LPA: variants seen among roughly 807,000 people sequenced by gnomAD.
LPA encodes the protein lipoprotein(a), also known as apolipoprotein(a).
In LPA, 199 loss-of-function variants were observed where a neutral mutation model predicts 197.9. The ratio of observed to expected loss-of-function variants is 1.01; its 90% CI spans 0.90 to 1.13. The LOEUF (loss-of-function observed/expected upper bound fraction) is 1.13, where lower values mean the gene tolerates loss of function less well. LPA is among the 50% of genes most tolerant of loss of function. The pLI, the probability that LPA is intolerant of heterozygous loss-of-function variation, is 0.00. For synonymous variants in LPA, 715 were observed against 639.5 expected, an observed-to-expected ratio of 1.12 and a Z score of -1.78; for missense variants, 1,853 against 1,785.8, an observed-to-expected ratio of 1.04 and a Z score of -0.68.
chr6:160,659,543 C>A (rs925656136), intron 1 of LPA, among the ~76,000 whole-genome samples: 13 of 152,204 alleles, frequency 8.5e-5, no homozygotes, highest in South Asian at 2.1e-4. Flanking sequence ...AACTGGAATT[C>A]TTTCCCTGCT....
At chr6:160,606,802 C>G in intron 16 of LPA, 144 bp from the exon 17 acceptor site, 1 of 1,279,008 alleles carries the variant, frequency 7.8e-7, no homozygotes, top group Non-Finnish European at 1.1e-6. Flanking sequence ...GCCACAAGCA[C>G]AAATGGCTCT....
intron 1 of LPA, among the ~76,000 whole-genome samples, chr6:160,662,431 C>T (rs1671405905): frequency 6.6e-6 from 1 of 152,162 alleles, no homozygotes; most frequent in South Asian, 2.1e-4. Flanking sequence ...TTCCTCTCCC[C>T]GGGCATTCCA....
At chr6:160,544,621 T>G (rs551494478) in intron 33 of LPA, among the ~76,000 whole-genome samples, 1 of 152,242 alleles carries the variant, frequency 6.6e-6, no homozygotes, top group African/African-American at 2.4e-5. Context: ...GCCAACCTTC[T>G]TCCCCCAGCT....
intron 22 of LPA, among the ~76,000 whole-genome samples, chr6:160,593,458 G>T (rs752256424): frequency 1.3e-5 from 2 of 152,116 alleles, no homozygotes; most frequent in Non-Finnish European, 2.9e-5. Flanking sequence ...CCCCTCATGT[G>T]CTGGCAACAC....
intron 19 of LPA, 46 bp from the exon 20 acceptor site, chr6:160,599,705 GA>G (rs1562338870): frequency 6.2e-6 from 10 of 1,607,092 alleles, no homozygotes; most frequent in Non-Finnish European, 8.5e-6. Flanking sequence ...TCCTAGAACA[GA>G]AAAATACAGG....
At chr6:160,595,066 T>C (rs1779103853) in intron 21 of LPA, among the ~76,000 whole-genome samples, 1 of 152,178 alleles carries the variant, frequency 6.6e-6, no homozygotes, top group South Asian at 2.1e-4. Flanking sequence ...AGAATATTCT[T>C]CTGGCTAAGA....
At chr6:160,582,253 C>A (rs947469294) in intron 26 of LPA, among the ~76,000 whole-genome samples, 4 of 150,458 alleles carry the variant, frequency 2.7e-5, no homozygotes, top group Non-Finnish European at 5.9e-5. Context: ...TTTTTCTGAC[C>A]TGATCTTTTC....
intron 21 of LPA, among the ~76,000 whole-genome samples, 172 bp downstream of exon 21, chr6:160,595,182 C>A (rs185340052): frequency 2.0e-5 from 3 of 152,282 alleles, no homozygotes; most frequent in African/African-American, 7.2e-5. Flanking sequence ...CCAAACATCA[C>A]AGCTCTGGTT....
chr6:160,653,808 A>C (rs1245962042), intron 1 of LPA, among the ~76,000 whole-genome samples: 1 of 146,352 alleles, frequency 6.8e-6, no homozygotes, highest in African/African-American at 2.5e-5. Context: ...CTAATCCACC[A>C]CAATCAAGTA....
intron 1 of LPA, among the ~76,000 whole-genome samples, chr6:160,657,237 T>C (rs1780148147): frequency 6.6e-6 from 1 of 152,184 alleles, no homozygotes; most frequent in African/African-American, 2.4e-5. Context: ...CCCTCCCAGC[T>C]GGGATGAGTA....
intron 28 of LPA, among the ~76,000 whole-genome samples, chr6:160,563,183 C>G (rs76504842): frequency 7.2e-5 from 11 of 151,958 alleles, no homozygotes; most frequent in Non-Finnish European, 1.2e-4. Context: ...AGATCTTTCC[C>G]GCTTTCTCCT....
chr6:160,548,626 A>C lies in LPA; in HGVS notation c.5007T>G (p.Asp1669Glu), dbSNP rs1427908598. The C allele has an allele frequency of 1.9e-6, 3 of 1,614,138 alleles. No individual in the cohort carries two copies. The highest frequency in any genetic ancestry group is 1.7e-6 in the Non-Finnish European group (2 of 1,180,022). ...TAAAACACCAAGGGCCTGTATCGGC[A>C]TCTGGATTCCTGCAGTAGTTCATTG... Reference protein sequence around the residue: ...GLTMNYCRNPDADTGPWCFTM... With the variant: ...GLTMNYCRNPEADTGPWCFTM... The change falls in exon 31 of 39, where the codon GAT becomes GAG. Residue 1669 changes from aspartate (D) to glutamate (E), a missense_variant. This residue lies in a region of LPA where 1,737 missense variants were observed against 1,504.4 expected (regional missense o/e 1.15). Coordinates refer to ENST00000316300, the MANE Select transcript of LPA (RefSeq NM_005577.4).
chr6:160,663,775 C>A (rs1432739292), intron 1 of LPA, among the ~76,000 whole-genome samples: 3 of 152,172 alleles, frequency 2.0e-5, no homozygotes, highest in Non-Finnish European at 4.4e-5. Flanking sequence ...TTCATTGTTT[C>A]AACTTGCTAG....
chr6:160,542,648 A>C, intron 34 of LPA, 40 bp downstream of exon 34: 1 of 1,611,518 alleles, frequency 6.2e-7, no homozygotes, highest in Non-Finnish European at 8.5e-7. Flanking sequence ...TGGGGCTTAC[A>C]TGGAAGGACA....
At chr6:160,608,807 A>G (rs1312494894) in intron 16 of LPA, among the ~76,000 whole-genome samples, 1 of 136,226 alleles carries the variant, frequency 7.3e-6, no homozygotes, top group Non-Finnish European at 1.5e-5. Flanking sequence ...CTATTTCACT[A>G]TTTCTTGAGG....
At chr6:160,659,822 G>A (rs186068903) in intron 1 of LPA, among the ~76,000 whole-genome samples, 2 of 152,302 alleles carry the variant, frequency 1.3e-5, no homozygotes, top group Non-Finnish European at 2.9e-5. Flanking sequence ...CTGTGCTGGA[G>A]GTCCGTGAGA....
intron 19 of LPA, among the ~76,000 whole-genome samples, chr6:160,599,976 G>T (rs1779207158): frequency 6.6e-6 from 1 of 152,164 alleles, no homozygotes; most frequent in South Asian, 2.1e-4. Flanking sequence ...TGTTCATGAC[G>T]ACATGGAACA....
chr6:160,590,801 G>C, intron 23 of LPA, 143 bp downstream of exon 23: 3 of 1,158,970 alleles, frequency 2.6e-6, no homozygotes, highest in Non-Finnish European at 3.8e-6. Context: ...CAGAGAAGGC[G>C]CTGAGGCTTC....
chr6:160,553,954 T>TGTGTGTGTGTGCGCGCGC (rs771903485), intron 30 of LPA, among the ~76,000 whole-genome samples: 8 of 130,806 alleles, frequency 6.1e-5, no homozygotes, highest in African/African-American at 1.8e-4. Flanking sequence ...TGTGTGTGTG[T>TGTGTGTGTGTGCGCGCGC]GCGCGCGCGC....
Sources: allele counts gnomAD v4.1 joint callset (sites outside exome capture counted in the v4.1 genomes callset), GRCh38; gene constraint gnomAD v4.1.1; regional missense constraint gnomAD v4.1.1; transcripts MANE v1.5; gene names NCBI Gene and HGNC (gene_info 2026-07-23, HGNC 2026-07-21).